Variants in SDK1 observed in about 807,000 individuals in gnomAD.
SDK1 encodes the protein sidekick cell adhesion molecule 1.
Under a neutral mutation model 245.5 loss-of-function variants are expected in SDK1, and 157 were observed. The observed-to-expected ratio is 0.64, with a 90% CI of 0.56 to 0.73. SDK1 has a LOEUF of 0.73. Ranked by LOEUF, SDK1 falls within the 30% of genes least tolerant of loss-of-function variation. SDK1 has a pLI of 0.00. For synonymous variants in SDK1, 1,647 were observed against 1,278.5 expected (o/e 1.29, Z -6.15); for missense variants, 3,583 against 3,002.3 (o/e 1.19, Z -4.52).
At chr7:3,453,023 G>A (rs373137978) in intron 1 of SDK1, among the ~76,000 whole-genome samples, 1 of 152,066 alleles carries the variant, frequency 6.6e-6, no homozygotes, top group Non-Finnish European at 1.5e-5. Context: ...TCCCCGTCTT[G>A]CCATTGCCTC....
At chr7:3,883,147 G>A (rs570562714) in intron 5 of SDK1, among the ~76,000 whole-genome samples, 3 of 152,192 alleles carry the variant, frequency 2.0e-5, no homozygotes, top group Non-Finnish European at 2.9e-5. Flanking sequence ...TGAGGATGAA[G>A]CAGGAGATTC....
intron 1 of SDK1, among the ~76,000 whole-genome samples, chr7:3,559,331 GA>G (rs1195135592): frequency 6.6e-6 from 1 of 151,298 alleles, no homozygotes; most frequent in African/African-American, 2.5e-5. Context: ...ATGGTAGTTG[GA>G]AGTATTGTCC....
At chr7:3,730,059 G>A (rs1022952505) in intron 4 of SDK1, among the ~76,000 whole-genome samples, 4 of 151,854 alleles carry the variant, frequency 2.6e-5, no homozygotes, top group Non-Finnish European at 5.9e-5. Flanking sequence ...ATAGTACTTG[G>A]GTACACATGG....
chr7:4,264,246 C>T (rs1219259319), intron 44 of SDK1, among the ~76,000 whole-genome samples: 6 of 67,348 alleles, frequency 8.9e-5, no homozygotes, highest in African/African-American at 2.6e-4. Flanking sequence ...GGGGAGGCCG[C>T]GTAGACCTCT....
chr7:3,838,208 C>A (rs900293449), intron 5 of SDK1, among the ~76,000 whole-genome samples: 11 of 152,208 alleles, frequency 7.2e-5, no homozygotes, highest in African/African-American at 2.2e-4. Flanking sequence ...CTGTACACAG[C>A]AATCCGGATT....
intron 41 of SDK1, among the ~76,000 whole-genome samples, chr7:4,236,295 C>A (rs554637774): frequency 6.6e-6 from 1 of 152,156 alleles, no homozygotes; most frequent in African/African-American, 2.4e-5. Flanking sequence ...AATGGGACGC[C>A]GGGACCACCC....
chr7:4,047,658 T>C (rs1449688443), intron 17 of SDK1, among the ~76,000 whole-genome samples: 1 of 152,216 alleles, frequency 6.6e-6, no homozygotes, highest in Non-Finnish European at 1.5e-5. Context: ...ATTGAGGATT[T>C]TGGGTGAATT....
rs185962884 is a variant in SDK1, at chr7:3,859,421, C to T, written c.847+37838C>T. On this transcript the variant is annotated intron_variant, in intron 5 of 44. Transcript: ENST00000404826. Reference sequence around the variant, plus strand: ...GAACTTCAGTAACAGAAAACCTCAACTCACGCTGGTTTTGGTTTTTTTTTC... The same window carrying T: ...GAACTTCAGTAACAGAAAACCTCAATTCACGCTGGTTTTGGTTTTTTTTTC... Among the ~76,000 whole-genome samples, 3 of 152,260 alleles carry T rather than the reference C, an allele frequency of 2.0e-5. No individual in the cohort carries two copies. In the East Asian group the frequency reaches 5.8e-4, roughly 29 times the overall value.
At chr7:3,318,998 C>A (rs1272084892) in intron 1 of SDK1, among the ~76,000 whole-genome samples, 3 of 151,426 alleles carry the variant, frequency 2.0e-5, no homozygotes, top group African/African-American at 7.3e-5. Flanking sequence ...CAGTGTGGGC[C>A]TATCTGGGGG....
intron 4 of SDK1, among the ~76,000 whole-genome samples, chr7:3,734,279 A>G (rs1055285272): frequency 6.6e-6 from 1 of 152,242 alleles, no homozygotes; most frequent in African/African-American, 2.4e-5. Flanking sequence ...GTGTTCTGGA[A>G]GAAATGGAAG....
chr7:4,166,325 G>T (rs906970164), intron 32 of SDK1, among the ~76,000 whole-genome samples: 1 of 152,238 alleles, frequency 6.6e-6, no homozygotes, highest in African/African-American at 2.4e-5. Context: ...TTCCAGAGGG[G>T]ACTGAGGCAG....
chr7:4,030,535 C>T (rs891201398), intron 17 of SDK1, among the ~76,000 whole-genome samples: 2 of 152,206 alleles, frequency 1.3e-5, no homozygotes, highest in Non-Finnish European at 2.9e-5. Flanking sequence ...ATGCCGTGAC[C>T]TAGGAGGGCC....
intron 4 of SDK1, among the ~76,000 whole-genome samples, chr7:3,779,789 G>A (rs766107889): frequency 3.3e-5 from 5 of 151,866 alleles, no homozygotes; most frequent in South Asian, 2.1e-4. Flanking sequence ...AAAATTAGCC[G>A]GGCGCGGTGG....
At chr7:4,174,775 C>G (rs1782084298) in intron 33 of SDK1, among the ~76,000 whole-genome samples, 1 of 152,164 alleles carries the variant, frequency 6.6e-6, no homozygotes. Context: ...GTGCTCACCC[C>G]CGGGCTGATT....
chr7:3,562,727 C>G (rs1779786062), intron 1 of SDK1, among the ~76,000 whole-genome samples: 1 of 152,196 alleles, frequency 6.6e-6, no homozygotes, highest in Admixed American at 6.5e-5. Flanking sequence ...TTAAGTTCTG[C>G]TTTTGCCTCT....
intron 1 of SDK1, among the ~76,000 whole-genome samples, chr7:3,605,543 C>T (rs1781394973): frequency 1.3e-5 from 2 of 152,084 alleles, no homozygotes; most frequent in African/African-American, 4.8e-5. Flanking sequence ...AAATGATGCA[C>T]CTAAATTATT....
At chr7:3,310,994 G>A (rs1205260465) in intron 1 of SDK1, among the ~76,000 whole-genome samples, 1 of 152,174 alleles carries the variant, frequency 6.6e-6, no homozygotes, top group African/African-American at 2.4e-5. Flanking sequence ...TCCAGTAAGT[G>A]TTAGGTGGTG....
chr7:3,734,225 T>C (rs1193391766), intron 4 of SDK1, among the ~76,000 whole-genome samples: 2 of 152,212 alleles, frequency 1.3e-5, no homozygotes, highest in Non-Finnish European at 2.9e-5. Context: ...TATCATTAGG[T>C]GCCCCACTGC....
intron 17 of SDK1, among the ~76,000 whole-genome samples, chr7:4,048,001 C>G (rs900577741): frequency 9.9e-5 from 15 of 152,282 alleles, no homozygotes; most frequent in Middle Eastern, 3.4e-3. Flanking sequence ...CCATGACCAG[C>G]AGTGGATGGG....
Sources: gnomAD v4.1 joint callset for allele counts (sites outside exome capture counted in the v4.1 genomes callset) on GRCh38, gnomAD v4.1.1 for gene constraint, MANE v1.5 for transcripts, NCBI Gene and HGNC (gene_info 2026-07-23, HGNC 2026-07-21) for gene names.